Variants in AMN1 observed in about 807,000 individuals in gnomAD.
AMN1 encodes antagonist of mitotic exit network 1 homolog, also known as protein AMN1 homolog.
AMN1 carries 20 observed loss-of-function variants against 33.0 expected under a neutral mutation model. That is an observed-to-expected ratio of 0.61 (90% CI 0.43 to 0.88). The LOEUF is 0.88. Among genes scored for constraint, AMN1 ranks in the 40% least tolerant of loss-of-function variants. The probability of loss-of-function intolerance (pLI) is 0.00; values close to 1 mark genes in which losing one functional copy is unlikely to be tolerated. For missense variants in AMN1, 246 were observed against 307.4 expected (o/e 0.80, Z 1.49); for synonymous variants, 114 against 111.9 (o/e 1.02, Z -0.12).
intron 6 of AMN1, among the ~76,000 whole-genome samples, chr12:31,688,065 C>T (rs530363671): frequency 2.6e-5 from 4 of 152,306 alleles, no homozygotes; most frequent in South Asian, 2.1e-4. Flanking sequence ...AGTGATTCTC[C>T]GTCCTCAATC....
chr12:31,700,028 T>G (rs532606267), intron 3 of AMN1, among the ~76,000 whole-genome samples: 2 of 152,274 alleles, frequency 1.3e-5, no homozygotes, highest in South Asian at 4.1e-4. Flanking sequence ...ATATTAAAAC[T>G]TATGCGTGTT....
Position 31,702,025 on chromosome 12 carries a change from T to C in AMN1, c.172-18A>G. 2 of 1,559,262 alleles carry C rather than the reference T, an allele frequency of 1.3e-6. No homozygotes were observed. Among genetic ancestry groups the C allele is most frequent in the Middle Eastern group, 1.7e-4 (1 of 5,754 alleles). On this transcript the variant is annotated intron_variant, in intron 2 of 6. Coordinates refer to ENST00000281471, the MANE Select transcript of AMN1 (RefSeq NM_001113402.2). Reference sequence around the variant, plus strand: ...TGTAAAATCTATAACAAATAAGTGATTTTGAAAAAATTATTTCTTTCTATA... The same window carrying C: ...TGTAAAATCTATAACAAATAAGTGACTTTGAAAAAATTATTTCTTTCTATA...
intron 1 of AMN1, among the ~76,000 whole-genome samples, chr12:31,727,006 G>A (rs148614283): frequency 6.6e-6 from 1 of 151,950 alleles, no homozygotes; most frequent in Non-Finnish European, 1.5e-5. Flanking sequence ...TTGAGACCAG[G>A]TTATGAGATT....
chr12:31,719,605 ATGT>A (rs2139727297), intron 1 of AMN1, among the ~76,000 whole-genome samples: 1 of 152,308 alleles, frequency 6.6e-6, no homozygotes, highest in Admixed American at 6.5e-5. Context: ...AGAACATCAA[ATGT>A]TGGTCAAGAT....
chr12:31,728,969 A>T lies in AMN1; in HGVS notation c.38+2T>A. 1 of 1,546,892 alleles carries T rather than the reference A, an allele frequency of 6.5e-7. No individual in the cohort carries two copies. The highest frequency in any genetic ancestry group is 8.7e-7 in the Non-Finnish European group (1 of 1,144,130). ...AAGGGAGGCGGGACAGGGTAGACTC[A>T]CAGATCCAGGAGCTGACTGACCCGC... On this transcript the variant is annotated splice_donor_variant, in intron 1 of 6. Transcript: ENST00000281471. LOFTEE classifies it high-confidence loss of function.
rs755001740 is a variant in AMN1 at position 31,672,380 on chromosome 12, A to G, written c.704-3T>C. ...CTCCAACACTTCTCGGGAATGATCT[A>G]TAAAAGAAAACAATGACAATATATT... On this transcript the variant is annotated splice_region_variant and splice_polypyrimidine_tract_variant and intron_variant, in intron 6 of 6. Coordinates refer to ENST00000281471, the MANE Select transcript of AMN1 (RefSeq NM_001113402.2). 10 of 1,559,710 alleles carry G rather than the reference A, an allele frequency of 6.4e-6. No homozygotes were observed. The highest frequency in any genetic ancestry group is 3.7e-5 in the Admixed American group (2 of 53,562).
intron 1 of AMN1, among the ~76,000 whole-genome samples, chr12:31,713,292 T>C (rs1939541191): frequency 1.3e-5 from 2 of 152,196 alleles, no homozygotes; most frequent in South Asian, 2.1e-4. Context: ...TTAATGTATA[T>C]ATGTTTATTT....
intron 5 of AMN1, among the ~76,000 whole-genome samples, 158 bp from the exon 6 acceptor site, chr12:31,689,276 A>G (rs536430312): frequency 6.6e-6 from 1 of 152,350 alleles, no homozygotes; most frequent in South Asian, 2.1e-4. Flanking sequence ...AGTAATTTGG[A>G]AGGAGCAGCT....
chr12:31,694,209 A>G (rs1006635346), intron 5 of AMN1, among the ~76,000 whole-genome samples: 4 of 151,820 alleles, frequency 2.6e-5, no homozygotes, highest in African/African-American at 9.7e-5. Flanking sequence ...TGGGGGGCCA[A>G]GGAGGGTGGA....
chr12:31,719,039 C>G (rs764758607), intron 1 of AMN1, among the ~76,000 whole-genome samples: 1 of 152,228 alleles, frequency 6.6e-6, no homozygotes, highest in African/African-American at 2.4e-5. Context: ...TTGGGAAGAC[C>G]GTGGGAAAAG....
intron 1 of AMN1, chr12:31,714,808 G>A (rs1467280675): frequency 1.8e-6 from 1 of 548,516 alleles, no homozygotes. Flanking sequence ...TAATGTGTAT[G>A]CTGGTTATTT....
chr12:31,696,518 C>T (rs1938733459), intron 5 of AMN1, among the ~76,000 whole-genome samples: 2 of 152,140 alleles, frequency 1.3e-5, no homozygotes, highest in African/African-American at 4.8e-5. Context: ...TATTAAACCA[C>T]TTGTCAACTG....
At position 31,697,864 on chromosome 12, in the gene AMN1, G is replaced by A. The variant is rs769187817; in HGVS notation, c.410C>T (p.Ala137Val). Residue 137 changes from alanine to valine, a missense_variant, in exon 4 of 7, where the codon GCA (alanine) becomes GTA (valine). Transcript: ENST00000281471. ...NLTDEGVVAL[A>V]LNCQLLKIID... The stretch of plus-strand genomic sequence containing the variant: ...GATCTTTAGCAGCTGGCAATTGAGT[G>A]CAAGAGCAACGACTCCTTCGTCAGT... The A allele has an allele frequency of 1.2e-6, 2 of 1,614,020 alleles. No homozygotes were observed. The highest frequency in any genetic ancestry group is 8.5e-7 in the Non-Finnish European group (1 of 1,179,882).
intron 1 of AMN1, among the ~76,000 whole-genome samples, chr12:31,726,912 A>G (rs1214613114): frequency 1.3e-5 from 2 of 152,050 alleles, no homozygotes; most frequent in African/African-American, 4.8e-5. Flanking sequence ...TCTTTTTTTC[A>G]CTAAGCACTG....
rs1397174467 is a variant in AMN1 at position 31,672,068 on chromosome 12, C to T, written c.*236G>A. 1 of 396,360 alleles carries T rather than the reference C, an allele frequency of 2.5e-6. No homozygotes were observed. The highest frequency in any genetic ancestry group is 4.5e-6 in the Non-Finnish European group (1 of 220,182). The allele number at this position is 396,360 out of a possible 1,614,324, so 24.6% of individuals were successfully genotyped here. A position where few individuals can be genotyped will look rare whatever the true frequency, so the allele number is the denominator to read the frequency against. On this transcript the variant is annotated 3_prime_UTR_variant, in exon 7 of 7. Transcript: ENST00000281471. ...AGAGTTCATGCTAGGATTATCATTT[C>T]AAAAATAATGACTCATCCAACAGAT...
chr12:31,700,449 A>G (rs985271207), intron 3 of AMN1, among the ~76,000 whole-genome samples: 4 of 152,176 alleles, frequency 2.6e-5, no homozygotes, highest in Non-Finnish European at 5.9e-5. Context: ...AAGATTCACT[A>G]ACTCATGTAA....
intron 6 of AMN1, among the ~76,000 whole-genome samples, chr12:31,682,725 T>A (rs1224890450): frequency 6.6e-6 from 1 of 152,164 alleles, no homozygotes; most frequent in Non-Finnish European, 1.5e-5. Context: ...TTGGTGATGA[T>A]GGGCTTTTGA....
intron 5 of AMN1, among the ~76,000 whole-genome samples, chr12:31,693,907 G>A (rs985129270): frequency 2.6e-5 from 4 of 151,934 alleles, no homozygotes; most frequent in Non-Finnish European, 5.9e-5. Flanking sequence ...CTGAGCTCAA[G>A]GGATCCACTT....
At chr12:31,707,925 T>TTCTTATGCCTG (rs1939311066) in intron 2 of AMN1, among the ~76,000 whole-genome samples, 1 of 152,216 alleles carries the variant, frequency 6.6e-6, no homozygotes, top group African/African-American at 2.4e-5. Context: ...CTTTCATAAT[T>TTCTTATGCCTG]TCTTATGCCT....
Sources: gnomAD v4.1 joint callset for allele counts (sites outside exome capture counted in the v4.1 genomes callset) on GRCh38, gnomAD v4.1.1 for gene constraint, MANE v1.5 for transcripts, NCBI Gene and HGNC (gene_info 2026-07-23, HGNC 2026-07-21) for gene names.